CNTNAP2: variants seen among roughly 807,000 people sequenced by gnomAD.
CNTNAP2 encodes the protein contactin associated protein 2, also known as contactin-associated protein-like 2.
CNTNAP2 carries 98 observed loss-of-function variants against 155.2 expected under a neutral mutation model. The ratio of observed to expected loss-of-function variants is 0.63; its 90% CI spans 0.54 to 0.75. The LOEUF (loss-of-function observed/expected upper bound fraction) is 0.75, where lower values mean the gene tolerates loss of function less well. CNTNAP2 is among the 30% of genes least tolerant of loss of function. The probability of loss-of-function intolerance (pLI) is 0.00; values close to 1 mark genes in which losing one functional copy is unlikely to be tolerated. For missense variants in CNTNAP2, 1,727 were observed against 1,688.1 expected (o/e 1.02, Z -0.40); for synonymous variants, 651 against 631.2 (o/e 1.03, Z -0.47).
In CNTNAP2 at chr7:147,694,256, C is replaced by T. The variant is rs182234660; in HGVS notation, c.2098+54950C>T. 1.2e-3 allele frequency among the ~76,000 whole-genome samples: 175 copies of T among 152,074 alleles called. 1 individual carries two copies. Among genetic ancestry groups the T allele is most frequent in the Middle Eastern group, 6.8e-3 (2 of 292 alleles). ...TCTATACATTGCTGGATTGGATATG[C>T]TAATATTTTGTTGAGGATTTTTACA... On this transcript the variant is annotated intron_variant, in intron 13 of 23. Coordinates refer to ENST00000361727, the MANE Select transcript of CNTNAP2 (RefSeq NM_014141.6).
intron 1 of CNTNAP2, among the ~76,000 whole-genome samples, chr7:146,244,303 G>C (rs966236082): frequency 2.0e-5 from 3 of 152,138 alleles, no homozygotes; most frequent in Admixed American, 2.0e-4. Context: ...GTGTAAACCG[G>C]CAGTGTAAAC....
Position 148,069,882 on chromosome 7 carries a change from C to T in CNTNAP2, c.2384-48236C>T, listed in dbSNP as rs149371200. Among the ~76,000 whole-genome samples, 613 of 152,078 alleles carry T rather than the reference C, an allele frequency of 4.0e-3. 6 individuals are homozygous for T. Among genetic ancestry groups the T allele is most frequent in the African/African-American group, 0.014 (577 of 41,496 alleles). On this transcript the variant is annotated intron_variant, in intron 15 of 23. Coordinates refer to ENST00000361727, the MANE Select transcript of CNTNAP2 (RefSeq NM_014141.6). ...TGAAAAATGTGTGCCTAATAAAATA[C>T]TTGCTCTAAAAATTAGATTCTAGAT...
At chr7:146,718,426 G>A (rs1326329487) in intron 1 of CNTNAP2, among the ~76,000 whole-genome samples, 1 of 152,102 alleles carries the variant, frequency 6.6e-6, no homozygotes, top group African/African-American at 2.4e-5. Flanking sequence ...GTGGGTAACT[G>A]TGCATGGGGT....
chr7:146,519,785 A>G (rs775815511), intron 1 of CNTNAP2, among the ~76,000 whole-genome samples: 3 of 151,912 alleles, frequency 2.0e-5, no homozygotes, highest in Non-Finnish European at 4.4e-5. Flanking sequence ...TGGCTTTTGA[A>G]TAGTGCATAT....
chr7:147,301,255 A>T (rs1794940678), intron 9 of CNTNAP2, among the ~76,000 whole-genome samples: 1 of 152,172 alleles, frequency 6.6e-6, no homozygotes, highest in Admixed American at 6.5e-5. Flanking sequence ...TGTGTGAAAA[A>T]GTGTTGTAGC....
At chr7:147,866,747 C>T (rs1250787978) in intron 13 of CNTNAP2, among the ~76,000 whole-genome samples, 2 of 100,366 alleles carry the variant, frequency 2.0e-5, no homozygotes, top group African/African-American at 4.0e-5. Context: ...GATTGCAACC[C>T]CTGTTTTTTT....
chr7:146,624,246 A>T (rs1363926901), intron 1 of CNTNAP2, among the ~76,000 whole-genome samples: 1 of 152,098 alleles, frequency 6.6e-6, no homozygotes, highest in African/African-American at 2.4e-5. Context: ...TTTGAAGAGC[A>T]AATATTTTAA....
rs1048383770 is a variant in CNTNAP2, at chr7:148,372,953, C to A, written c.3476-10696C>A. Among the ~76,000 whole-genome samples, 4 of 152,086 alleles carry A rather than the reference C, an allele frequency of 2.6e-5. 1 individual carries two copies. In the South Asian group the frequency reaches 8.3e-4, roughly 32 times the overall value. ...GACTTTTTTATTGAAAACTAGGACA[C>A]AAATGCACACATTTGCTTTGGCCTC... On this transcript the variant is annotated intron_variant, in intron 21 of 23. Coordinates refer to ENST00000361727, the MANE Select transcript of CNTNAP2 (RefSeq NM_014141.6).
intron 1 of CNTNAP2, among the ~76,000 whole-genome samples, chr7:146,421,397 T>C (rs565341251): frequency 4.6e-5 from 7 of 152,118 alleles, no homozygotes; most frequent in Non-Finnish European, 8.8e-5. Context: ...TCTAATCTAT[T>C]ACTAGTTATA....
intron 14 of CNTNAP2, among the ~76,000 whole-genome samples, chr7:147,917,469 A>G (rs961037888): frequency 1.3e-5 from 2 of 152,188 alleles, no homozygotes; most frequent in African/African-American, 2.4e-5. Flanking sequence ...AGGATCCAAC[A>G]TGGCTTCTAG....
intron 1 of CNTNAP2, among the ~76,000 whole-genome samples, chr7:146,514,415 C>A (rs934121762): frequency 6.6e-6 from 1 of 151,902 alleles, no homozygotes; most frequent in African/African-American, 2.4e-5. Context: ...TTCTTTGTTT[C>A]TTTCCATTAT....
In CNTNAP2 at chr7:146,569,177, C is replaced by T. The variant is rs1347444099; in HGVS notation, c.98-205094C>T. Among the ~76,000 whole-genome samples, 11 of 152,132 alleles carry T rather than the reference C, an allele frequency of 7.2e-5. No homozygotes were observed. The East Asian group carries it at 1.2e-3, about 16-fold the overall frequency. ...GACTACAGGCGCCCACCACCACGCC[C>T]GGCTAATTTTTTGTATTTTTAGTAC... On this transcript the variant is annotated intron_variant, in intron 1 of 23. Coordinates refer to ENST00000361727, the MANE Select transcript of CNTNAP2 (RefSeq NM_014141.6).
chr7:148,341,693 CG>C (rs1391956939), intron 21 of CNTNAP2, among the ~76,000 whole-genome samples: 1 of 152,102 alleles, frequency 6.6e-6, no homozygotes, highest in Non-Finnish European at 1.5e-5. Context: ...TTCACATTCC[CG>C]GATGTCTGAG....
At chr7:146,816,313 A>G (rs1276458399) in intron 2 of CNTNAP2, among the ~76,000 whole-genome samples, 1 of 152,146 alleles carries the variant, frequency 6.6e-6, no homozygotes, top group Non-Finnish European at 1.5e-5. Flanking sequence ...ATGAAGGGAA[A>G]GGTAGAGAGG....
intron 1 of CNTNAP2, among the ~76,000 whole-genome samples, chr7:146,390,651 A>G (rs1034088917): frequency 6.7e-6 from 1 of 148,680 alleles, no homozygotes; most frequent in Non-Finnish European, 1.5e-5. Context: ...ATATTTTTTC[A>G]TGAAATAAAT....
At chr7:148,303,265 T>A (rs1253612342) in intron 21 of CNTNAP2, among the ~76,000 whole-genome samples, 1 of 152,188 alleles carries the variant, frequency 6.6e-6, no homozygotes, top group Non-Finnish European at 1.5e-5. Flanking sequence ...TGGTTCATCT[T>A]CCAGGTAGAG....
At chr7:146,937,364 AAAAATAAAAT>A (rs71165051) in intron 3 of CNTNAP2, among the ~76,000 whole-genome samples, 174 of 147,382 alleles carry the variant, frequency 1.2e-3, no homozygotes, top group African/African-American at 3.4e-3. Context: ...AAAAAAAAAT[AAAAATAAAAT>A]AAAATAAAAT....
At chr7:147,302,140 G>A (rs532300940) in intron 9 of CNTNAP2, among the ~76,000 whole-genome samples, 9 of 152,286 alleles carry the variant, frequency 5.9e-5, no homozygotes, top group Middle Eastern at 3.4e-3. Context: ...ACTGGTTACC[G>A]TCCAAAAAAA....
chr7:146,304,832 G>A (rs1432536699), intron 1 of CNTNAP2, among the ~76,000 whole-genome samples: 1 of 151,976 alleles, frequency 6.6e-6, no homozygotes, highest in Non-Finnish European at 1.5e-5. Context: ...TGCTATTTTG[G>A]GGAAGTTCCC....
Sources: gnomAD v4.1 joint callset for allele counts (sites outside exome capture counted in the v4.1 genomes callset) on GRCh38, gnomAD v4.1.1 for gene constraint, MANE v1.5 for transcripts, NCBI Gene and HGNC (gene_info 2026-07-23, HGNC 2026-07-21) for gene names.